Variants in CBLN2 observed in about 807,000 individuals in gnomAD.
The protein encoded by CBLN2 is cerebellin-2.
CBLN2 carries 7 observed loss-of-function variants against 15.0 expected under a neutral mutation model. That is an observed-to-expected ratio of 0.47 (90% CI 0.27 to 0.88). The LOEUF (loss-of-function observed/expected upper bound fraction) is 0.88. Among genes scored for constraint, CBLN2 ranks in the 40% least tolerant of loss-of-function variants. The pLI, the probability that CBLN2 is intolerant of heterozygous loss-of-function variation, is 0.14. For missense variants in CBLN2, 242 were observed against 304.5 expected, an observed-to-expected ratio of 0.79 and a Z score of 1.53; for synonymous variants, 149 against 135.2, an observed-to-expected ratio of 1.10 and a Z score of -0.71.
chr18:72,631,895 T>G (rs1324945405), intron 1 of CBLN2, among the ~76,000 whole-genome samples: 1 of 152,160 alleles, frequency 6.6e-6, no homozygotes, highest in African/African-American at 2.4e-5. Context: ...ACATATGTAA[T>G]TTACAGGAAA....
At chr18:72,618,146 G>C (rs148446618) in intron 1 of CBLN2, 37 of 160,816 alleles carry the variant, frequency 2.3e-4, no homozygotes, top group African/African-American at 8.2e-4. Flanking sequence ...TTATATTATT[G>C]GTCTTTTCAA....
intron 1 of CBLN2, among the ~76,000 whole-genome samples, chr18:72,569,581 C>T (rs970512780): frequency 7.2e-5 from 11 of 152,204 alleles, no homozygotes; most frequent in South Asian, 2.1e-4. Flanking sequence ...AATGTGGTGC[C>T]GGCATCTGAT....
intron 1 of CBLN2, among the ~76,000 whole-genome samples, chr18:72,604,286 T>C (rs2069568960): frequency 6.6e-6 from 1 of 152,196 alleles, no homozygotes; most frequent in African/African-American, 2.4e-5. Flanking sequence ...CCTCTCCTTG[T>C]TTTGCTCAAA....
intron 1 of CBLN2, among the ~76,000 whole-genome samples, chr18:72,597,241 C>T (rs1366922438): frequency 6.6e-6 from 1 of 152,198 alleles, no homozygotes; most frequent in Non-Finnish European, 1.5e-5. Flanking sequence ...GCAGCCATAT[C>T]TACATTAGAA....
chr18:72,626,120 T>C (rs1470703209), intron 1 of CBLN2, among the ~76,000 whole-genome samples: 1 of 152,050 alleles, frequency 6.6e-6, no homozygotes, highest in Non-Finnish European at 1.5e-5. Context: ...ATGAAATGAC[T>C]GAAGGGTTAT....
intron 1 of CBLN2, among the ~76,000 whole-genome samples, chr18:72,602,028 C>T (rs549172427): frequency 6.6e-6 from 1 of 152,320 alleles, no homozygotes; most frequent in Non-Finnish European, 1.5e-5. Context: ...GCCTGTGGCC[C>T]TGCTCTAGCC....
intron 1 of CBLN2, among the ~76,000 whole-genome samples, chr18:72,577,211 T>C (rs1053393538): frequency 6.6e-6 from 1 of 151,410 alleles, no homozygotes; most frequent in Non-Finnish European, 1.5e-5. Context: ...AAAAATATTG[T>C]GCTAATATGT....
intron 1 of CBLN2, chr18:72,619,093 G>A (rs772096043): frequency 1.5e-5 from 11 of 748,192 alleles, no homozygotes; most frequent in Admixed American, 3.5e-5. Flanking sequence ...CCCATGAAGA[G>A]AGTAAATTTT....
At chr18:72,623,586 T>C (rs1267334781) in intron 1 of CBLN2, among the ~76,000 whole-genome samples, 1 of 152,160 alleles carries the variant, frequency 6.6e-6, no homozygotes, top group Admixed American at 6.6e-5. Flanking sequence ...TGAAGCCTGA[T>C]GACTTTGTAC....
intron 1 of CBLN2, among the ~76,000 whole-genome samples, chr18:72,563,413 G>A (rs1392036760): frequency 1.3e-5 from 2 of 151,998 alleles, no homozygotes; most frequent in Non-Finnish European, 2.9e-5. Flanking sequence ...TCTGTCTCTA[G>A]GACATCAACA....
At chr18:72,599,990 CT>C (rs1259646692) in intron 1 of CBLN2, among the ~76,000 whole-genome samples, 2 of 152,170 alleles carry the variant, frequency 1.3e-5, no homozygotes, top group African/African-American at 4.8e-5. Context: ...CTGAGAGGGA[CT>C]TGACCTGCAC....
intron 1 of CBLN2, among the ~76,000 whole-genome samples, chr18:72,607,068 T>C (rs776959428): frequency 3.3e-5 from 5 of 152,216 alleles, no homozygotes; most frequent in Non-Finnish European, 5.9e-5. Flanking sequence ...CCCAATATTA[T>C]TGGTGTCCTC....
intron 1 of CBLN2, among the ~76,000 whole-genome samples, chr18:72,602,815 C>T (rs542743115): frequency 6.6e-6 from 1 of 152,170 alleles, no homozygotes; most frequent in African/African-American, 2.4e-5. Context: ...ACAGCCTGCT[C>T]TAGGGATTTT....
At chr18:72,596,048 AG>A (rs1278579766) in intron 1 of CBLN2, among the ~76,000 whole-genome samples, 1 of 152,042 alleles carries the variant, frequency 6.6e-6, no homozygotes, top group Non-Finnish European at 1.5e-5. Context: ...TTGATAAGTA[AG>A]GGCTTACCCC....
chr18:72,606,805 AG>A (rs928216926), intron 1 of CBLN2, among the ~76,000 whole-genome samples: 5 of 152,246 alleles, frequency 3.3e-5, no homozygotes, highest in African/African-American at 1.2e-4. Context: ...TGGTCTGGCC[AG>A]TAAACTACTT....
At chr18:72,553,457 G>GTGAT (rs1248199987) in intron 1 of CBLN2, among the ~76,000 whole-genome samples, 1 of 123,112 alleles carries the variant, frequency 8.1e-6, no homozygotes, top group African/African-American at 3.1e-5. Context: ...CTAACAATTT[G>GTGAT]TGATAGATAG....
intron 1 of CBLN2, among the ~76,000 whole-genome samples, chr18:72,578,489 A>C (rs1470249444): frequency 6.6e-6 from 1 of 152,210 alleles, no homozygotes; most frequent in Non-Finnish European, 1.5e-5. Flanking sequence ...TCTAAGCCAA[A>C]GTCAAAACCG....
At chr18:72,555,046 A>G (rs1177606287) in intron 1 of CBLN2, among the ~76,000 whole-genome samples, 3 of 152,012 alleles carry the variant, frequency 2.0e-5, no homozygotes, top group African/African-American at 4.8e-5. Flanking sequence ...GAGGCAGGAG[A>G]ATCACTTGAA....
intron 1 of CBLN2, among the ~76,000 whole-genome samples, chr18:72,584,367 A>G (rs1391856204): frequency 1.3e-5 from 2 of 150,826 alleles, no homozygotes; most frequent in African/African-American, 4.9e-5. Context: ...GCTGGAGTGC[A>G]GTGGTGCAAT....
Sources: allele counts gnomAD v4.1 joint callset (sites outside exome capture counted in the v4.1 genomes callset), GRCh38; gene constraint gnomAD v4.1.1; transcripts MANE v1.5; gene names NCBI Gene and HGNC (gene_info 2026-07-23, HGNC 2026-07-21).